CCDC148: variants seen among roughly 807,000 people sequenced by gnomAD.
CCDC148 encodes the protein coiled-coil domain containing 148.
A neutral mutation model predicts 85.7 loss-of-function variants in CCDC148; 89 were observed. The ratio of observed to expected loss-of-function variants is 1.04; its 90% CI spans 0.87 to 1.24. The LOEUF (loss-of-function observed/expected upper bound fraction) is 1.24, where lower values mean the gene tolerates loss of function less well. Ranked by LOEUF, CCDC148 falls within the 50% of genes most tolerant of loss-of-function variation. The probability of loss-of-function intolerance (pLI) is 0.00; values close to 1 mark genes in which losing one functional copy is unlikely to be tolerated. For synonymous variants in CCDC148, 230 were observed against 213.9 expected (o/e 1.08, Z -0.66); for missense variants, 692 against 671.7 (o/e 1.03, Z -0.33).
chr2:158,179,969 C>T (rs1036813928), intron 11 of CCDC148, among the ~76,000 whole-genome samples: 1 of 152,190 alleles, frequency 6.6e-6, no homozygotes, highest in Non-Finnish European at 1.5e-5. Flanking sequence ...TGGCCCTCCT[C>T]TGCTGCCTTT....
intron 1 of CCDC148, among the ~76,000 whole-genome samples, chr2:158,435,803 CA>C (rs1208121286): frequency 6.6e-6 from 1 of 151,056 alleles, no homozygotes; most frequent in African/African-American, 2.4e-5. Flanking sequence ...AAATAGAAAA[CA>C]AAAAAAAGCA....
intron 1 of CCDC148, among the ~76,000 whole-genome samples, chr2:158,375,268 C>T (rs1559107580): frequency 6.6e-6 from 1 of 152,192 alleles, no homozygotes; most frequent in East Asian, 1.9e-4. Context: ...GCCTGAAATA[C>T]CCAGTTAACT....
At chr2:158,422,782 G>A (rs2105324872) in intron 1 of CCDC148, among the ~76,000 whole-genome samples, 1 of 152,052 alleles carries the variant, frequency 6.6e-6, no homozygotes, top group Middle Eastern at 3.4e-3. Flanking sequence ...TAGGAAAAGA[G>A]GAATTCAAAT....
At position 158,228,590 on chromosome 2, in the gene CCDC148, T is replaced by A. The variant is rs34312314; in HGVS notation, c.1252-7877A>T. Among the ~76,000 whole-genome samples, 138 of 151,934 alleles carry A rather than the reference T, an allele frequency of 9.1e-4. 1 individual carries two copies. Among genetic ancestry groups the A allele is most frequent in the Admixed American group, 2.9e-3 (44 of 15,266 alleles). ...CCAACAATGATAGACTGGATTAAGA[T>A]AATGTGGCACATATACACCATGGAA... On this transcript the variant is annotated intron_variant, in intron 10 of 13. Transcript: ENST00000283233.
intron 9 of CCDC148, among the ~76,000 whole-genome samples, chr2:158,282,888 G>T (rs1315606946): frequency 6.6e-6 from 1 of 152,162 alleles, no homozygotes; most frequent in Non-Finnish European, 1.5e-5. Context: ...ACACTACAAG[G>T]CTACAGTAAC....
At chr2:158,310,271 CA>C (rs1691914269) in intron 8 of CCDC148, among the ~76,000 whole-genome samples, 1 of 152,174 alleles carries the variant, frequency 6.6e-6, no homozygotes, top group African/African-American at 2.4e-5. Context: ...CATCCCAAGG[CA>C]GAAGAATTTT....
intron 1 of CCDC148, among the ~76,000 whole-genome samples, chr2:158,404,468 G>T (rs1365939126): frequency 6.6e-6 from 1 of 152,110 alleles, no homozygotes; most frequent in African/African-American, 2.4e-5. Context: ...TTGGTGATAT[G>T]ATCACACAAG....
At chr2:158,354,466 T>C (rs1683511197) in intron 2 of CCDC148, among the ~76,000 whole-genome samples, 1 of 151,364 alleles carries the variant, frequency 6.6e-6, no homozygotes, top group African/African-American at 2.4e-5. Context: ...GCAAATAAAC[T>C]AGAAAATCTA....
intron 7 of CCDC148, among the ~76,000 whole-genome samples, chr2:158,315,229 C>G (rs1023169613): frequency 6.6e-6 from 1 of 152,156 alleles, no homozygotes; most frequent in Non-Finnish European, 1.5e-5. Flanking sequence ...TAAAGCAGTA[C>G]AAATAGGAGT....
rs142650780 is a variant in CCDC148 at position 158,223,858 on chromosome 2, C to T, written c.1252-3145G>A. 7.1e-4 allele frequency among the ~76,000 whole-genome samples: 108 copies of T among 152,236 alleles called. 1 individual carries two copies. The East Asian group carries it at 0.019, about 26-fold the overall frequency. ...CAAAGACCAAAGGTAGATAAAACCA[C>T]AAAGATGGGGAAAAAACAGAGCAGA... On this transcript the variant is annotated intron_variant, in intron 10 of 13. Transcript: ENST00000283233.
chr2:158,364,492 T>G (rs1442078428), intron 1 of CCDC148, among the ~76,000 whole-genome samples: 2 of 152,050 alleles, frequency 1.3e-5, no homozygotes, highest in East Asian at 3.9e-4. Flanking sequence ...AACAGAGGCC[T>G]CAGAAATAAT....
rs914697543 is a variant in CCDC148, at chr2:158,345,212, T to C, written c.251+3A>G. The C allele has an allele frequency of 1.9e-6, 3 of 1,610,514 alleles. No individual in the cohort carries two copies. In the African/African-American group the frequency reaches 4.0e-5, roughly 22 times the overall value. The stretch of plus-strand genomic sequence containing the variant: ...TGTTCTTACTATGTCCCCCAGTTCT[T>C]ACCTGACTTCATTCAGCCTCTGGTA... On this transcript the variant is annotated splice_donor_region_variant and intron_variant, in intron 3 of 13. Transcript: ENST00000283233.
intron 11 of CCDC148, among the ~76,000 whole-genome samples, chr2:158,182,870 T>C (rs1461903953): frequency 1.3e-5 from 2 of 152,116 alleles, no homozygotes; most frequent in Non-Finnish European, 2.9e-5. Context: ...CACATATTCA[T>C]GGGGAAAGAA....
intron 7 of CCDC148, among the ~76,000 whole-genome samples, chr2:158,324,666 A>G (rs1366735221): frequency 6.6e-6 from 1 of 152,188 alleles, no homozygotes; most frequent in Non-Finnish European, 1.5e-5. Context: ...TTCCAAATAC[A>G]CCAATTATAT....
intron 11 of CCDC148, among the ~76,000 whole-genome samples, chr2:158,200,361 CT>C (rs1207282978): frequency 2.8e-4 from 43 of 152,132 alleles, no homozygotes; most frequent in African/African-American, 9.2e-4. Flanking sequence ...CCTCTTTCCC[CT>C]GAATTTCCTG....
chr2:158,451,442 CAG>C (rs1434452140), intron 1 of CCDC148, among the ~76,000 whole-genome samples: 2 of 152,256 alleles, frequency 1.3e-5, no homozygotes, highest in East Asian at 3.9e-4. Context: ...ACTTAAACAT[CAG>C]AGTCTATTTC....
chr2:158,354,863 C>G (rs1342103128), intron 2 of CCDC148, among the ~76,000 whole-genome samples: 4 of 151,376 alleles, frequency 2.6e-5, no homozygotes, highest in Non-Finnish European at 5.9e-5. Context: ...AGCAGCACAT[C>G]AAAAAGCTTA....
At chr2:158,178,671 A>G (rs1442463582) in intron 12 of CCDC148, among the ~76,000 whole-genome samples, 2 of 152,154 alleles carry the variant, frequency 1.3e-5, no homozygotes, top group East Asian at 3.9e-4. Flanking sequence ...AAAGGTGATG[A>G]TAAAGTTCTT....
rs1684340463 is a variant in CCDC148 at position 158,172,048 on chromosome 2, A to G, written c.*65T>C. On this transcript the variant is annotated 3_prime_UTR_variant, in exon 14 of 14. Coordinates refer to ENST00000283233, the MANE Select transcript of CCDC148 (RefSeq NM_138803.4). The stretch of plus-strand genomic sequence containing the variant: ...TCAAACATTTTAGAAAGTAGTAATT[A>G]TTATTATCCATATACATGTTTTCAA... 8.9e-7 allele frequency: 1 copy of G among 1,124,456 alleles called. No individual in the cohort carries two copies. Among genetic ancestry groups the G allele is most frequent in the Non-Finnish European group, 1.3e-6 (1 of 794,164 alleles). 69.7% of individuals were successfully genotyped at this position (1,124,456 alleles called of 1,614,324 possible). A position where few individuals can be genotyped will look rare whatever the true frequency, so the allele number is the denominator to read the frequency against.
Sources: allele counts gnomAD v4.1 joint callset (sites outside exome capture counted in the v4.1 genomes callset), GRCh38; gene constraint gnomAD v4.1.1; transcripts MANE v1.5; gene names NCBI Gene and HGNC (gene_info 2026-07-23, HGNC 2026-07-21).